Variants in TFCP2L1 observed in about 807,000 individuals in gnomAD.
The protein encoded by TFCP2L1 is transcription factor CP2-like protein 1.
TFCP2L1 carries 12 observed loss-of-function variants against 72.2 expected under a neutral mutation model. The ratio of observed to expected loss-of-function variants is 0.17; its 90% confidence interval spans 0.11 to 0.27. The LOEUF is 0.27. Ranked by LOEUF, TFCP2L1 falls within the 10% of genes least tolerant of loss-of-function variation. The pLI, the probability that TFCP2L1 is intolerant of heterozygous loss-of-function variation, is 1.00. For missense variants in TFCP2L1, 488 were observed against 624.6 expected (o/e 0.78, Z 2.33); for synonymous variants, 260 against 251.0 (o/e 1.04, Z -0.34).
intron 13 of TFCP2L1, among the ~76,000 whole-genome samples, chr2:121,229,738 T>C (rs1440407310): frequency 1.3e-5 from 2 of 152,218 alleles, no homozygotes; most frequent in East Asian, 1.9e-4. Flanking sequence ...CTGACAGGTA[T>C]ATGCATCCCT....
chr2:121,249,731 C>T lies in TFCP2L1; in HGVS notation c.215-84G>A, dbSNP rs1259670866. The T allele has an allele frequency of 5.3e-5, 74 of 1,387,184 alleles. No individual in the cohort carries two copies. In the South Asian group the frequency reaches 8.2e-4, roughly 15 times the overall value. 85.9% of individuals were successfully genotyped at this position (1,387,184 alleles called of 1,614,324 possible). ...TTCAGCTAGCAGCCTTCTCAACACC[C>T]TCAGTGCCCATCCAGGCCTCAAGGC... On this transcript the variant is annotated intron_variant, in intron 2 of 14. Coordinates refer to ENST00000263707, the MANE Select transcript of TFCP2L1 (RefSeq NM_014553.3).
chr2:121,249,790 C>T (rs1686567739), intron 2 of TFCP2L1, 143 bp from the exon 3 acceptor site: 1 of 767,992 alleles, frequency 1.3e-6, no homozygotes, highest in Admixed American at 2.4e-5. Context: ...AAACCCACGA[C>T]CAGCTCAGCT....
At chr2:121,227,028 C>T (rs1686044017) in intron 13 of TFCP2L1, among the ~76,000 whole-genome samples, 1 of 152,216 alleles carries the variant, frequency 6.6e-6, no homozygotes, top group African/African-American at 2.4e-5. Flanking sequence ...TGGAATCATG[C>T]TCCTCGGCAG....
chr2:121,278,540 G>T (rs558820923), intron 2 of TFCP2L1, among the ~76,000 whole-genome samples: 11 of 150,688 alleles, frequency 7.3e-5, no homozygotes, highest in African/African-American at 2.7e-4. Context: ...ACAAAAATTA[G>T]GTGGGCGTGG....
intron 8 of TFCP2L1, among the ~76,000 whole-genome samples, chr2:121,238,960 C>G (rs1348847734): frequency 1.3e-5 from 2 of 152,134 alleles, no homozygotes; most frequent in Non-Finnish European, 2.9e-5. Context: ...TGCCTCCACC[C>G]CTGCTGCCAG....
chr2:121,237,567 C>T (rs983288275), intron 10 of TFCP2L1, 56 bp downstream of exon 10: 3 of 1,589,448 alleles, frequency 1.9e-6, no homozygotes, highest in Non-Finnish European at 1.7e-6. Flanking sequence ...AGGTGGCCAG[C>T]CTTGAAGTGT....
At position 121,224,318 on chromosome 2, in the gene TFCP2L1, A is replaced by G. The variant is rs1317717004; in HGVS notation, c.*23T>C. 6.2e-7 allele frequency: 1 copy of G among 1,613,704 alleles called. No individual in the cohort carries two copies. On this transcript the variant is annotated 3_prime_UTR_variant, in exon 15 of 15. Coordinates refer to ENST00000263707, the MANE Select transcript of TFCP2L1 (RefSeq NM_014553.3). ...GGATCCACAGGGCTGGGAGCTGGAG[A>G]CAGGTATGAGGTCCACTGCTGCTCA...
chr2:121,258,660 T>A (rs1686773639), intron 2 of TFCP2L1, among the ~76,000 whole-genome samples: 1 of 152,198 alleles, frequency 6.6e-6, no homozygotes, highest in Non-Finnish European at 1.5e-5. Context: ...CCTCCTGGCC[T>A]GCACCTTCAG....
At chr2:121,242,291 C>T (rs905685200) in intron 7 of TFCP2L1, 68 bp downstream of exon 7, 8 of 1,411,948 alleles carry the variant, frequency 5.7e-6, no homozygotes, top group East Asian at 2.3e-5. Context: ...TTCCAAGAAT[C>T]TAAACCAGCA....
intron 2 of TFCP2L1, among the ~76,000 whole-genome samples, chr2:121,251,214 C>T (rs1318172252): frequency 1.3e-5 from 2 of 151,864 alleles, no homozygotes; most frequent in Non-Finnish European, 2.9e-5. Flanking sequence ...CAAGATTGTG[C>T]CACTGCACTC....
chr2:121,277,086 C>T (rs1573398813), intron 2 of TFCP2L1, among the ~76,000 whole-genome samples: 1 of 152,076 alleles, frequency 6.6e-6, no homozygotes, highest in Non-Finnish European at 1.5e-5. Context: ...AATAGTATGC[C>T]CTTATCCATA....
chr2:121,263,275 T>C (rs933179387), intron 2 of TFCP2L1, among the ~76,000 whole-genome samples: 1 of 152,078 alleles, frequency 6.6e-6, no homozygotes, highest in Non-Finnish European at 1.5e-5. Context: ...TGCTGGTACA[T>C]AGGAATTCAC....
chr2:121,281,434 G>A (rs1394122837), intron 1 of TFCP2L1, among the ~76,000 whole-genome samples, 163 bp from the exon 2 acceptor site: 1 of 152,026 alleles, frequency 6.6e-6, no homozygotes, highest in African/African-American at 2.4e-5. Context: ...GAATACTCCA[G>A]ATGCTTTAAA....
chr2:121,249,737 GC>G (rs1686566669), intron 2 of TFCP2L1, 90 bp from the exon 3 acceptor site: 6 of 1,292,664 alleles, frequency 4.6e-6, no homozygotes, highest in African/African-American at 4.4e-5. Flanking sequence ...CACCCTCAGT[GC>G]CCATCCAGGC....
chr2:121,273,032 C>A (rs1273067363), intron 2 of TFCP2L1, among the ~76,000 whole-genome samples: 1 of 152,130 alleles, frequency 6.6e-6, no homozygotes, highest in Non-Finnish European at 1.5e-5. Flanking sequence ...TCAGCTGCAC[C>A]CCCATGCTTG....
At position 121,224,074 on chromosome 2, in the gene TFCP2L1, CAGG is replaced by C. The variant is rs1685975915; in HGVS notation, c.*264_*266del. The C allele has an allele frequency of 1.9e-6, 1 of 531,966 alleles. No individual in the cohort carries two copies. Among genetic ancestry groups the C allele is most frequent in the Non-Finnish European group, 3.4e-6 (1 of 297,824 alleles). The allele number at this position is 531,966 out of a possible 1,614,324, so 33.0% of individuals were successfully genotyped here. A position where few individuals can be genotyped will look rare whatever the true frequency, so the allele number is the denominator to read the frequency against. ...TCCACTGTTTGCCCTTTTAGAACGT[CAGG>C]GTTGGACCAATAGAAAAGAACAAGG... On this transcript the variant is annotated 3_prime_UTR_variant, in exon 15 of 15. Transcript: ENST00000263707.
intron 2 of TFCP2L1, among the ~76,000 whole-genome samples, chr2:121,255,854 T>C (rs893768991): frequency 6.6e-6 from 1 of 152,068 alleles, no homozygotes; most frequent in East Asian, 1.9e-4. Flanking sequence ...GCCATTCTCC[T>C]GCCTCAGGCT....
chr2:121,233,588 A>C (rs191522319), intron 12 of TFCP2L1, among the ~76,000 whole-genome samples: 156 of 152,334 alleles, frequency 1.0e-3, no homozygotes, highest in African/African-American at 3.5e-3. Context: ...CACCACACCC[A>C]GCCACAATTT....
chr2:121,279,840 G>C (rs189239180), intron 2 of TFCP2L1, among the ~76,000 whole-genome samples: 2 of 152,324 alleles, frequency 1.3e-5, no homozygotes, highest in Non-Finnish European at 2.9e-5. Context: ...ATACCAGTCA[G>C]GGGTAGAGCA....
Sources: allele counts gnomAD v4.1 joint callset (sites outside exome capture counted in the v4.1 genomes callset), GRCh38; gene constraint gnomAD v4.1.1; transcripts MANE v1.5; gene names NCBI Gene and HGNC (gene_info 2026-07-23, HGNC 2026-07-21).